ATXN8OS: variants seen among roughly 807,000 people sequenced by gnomAD.
The protein encoded by ATXN8OS is ATXN8 opposite strand lncRNA, also known as ATXN8 opposite strand (non-protein coding).
intron 4 of ATXN8OS, among the ~76,000 whole-genome samples, chr13:70,157,503 A>G (rs1294498389): frequency 9.4e-6 from 1 of 106,206 alleles, no homozygotes; most frequent in Non-Finnish European, 2.5e-5. Flanking sequence ...GACTCACATG[A>G]CTAAGATATC....
chr13:70,155,539 G>A (rs1049480669), intron 4 of ATXN8OS, among the ~76,000 whole-genome samples: 5 of 152,112 alleles, frequency 3.3e-5, no homozygotes, highest in South Asian at 2.1e-4. Flanking sequence ...CCTGTTAAAT[G>A]GTTATCATAA....
chr13:70,140,028 A>G (rs1226705822), intron 3 of ATXN8OS, among the ~76,000 whole-genome samples: 1 of 152,158 alleles, frequency 6.6e-6, no homozygotes, highest in Non-Finnish European at 1.5e-5. Context: ...TTTTAAATTT[A>G]GTAGCTAGTA....
intron 3 of ATXN8OS, chr13:70,139,385 T>TACTACTACTACTACTACTACTGCTGCC: frequency 6.3e-6 from 2 of 318,910 alleles, no homozygotes; most frequent in Non-Finnish European, 4.9e-6. Context: ...CTACTACTAC[T>TACTACTACTACTACTACTACTGCTGCC]GCTGCTGCTG....
At chr13:70,107,769 C>T, upstream of ATXN8OS, 3 of 1,230,732 alleles carry the variant, frequency 2.4e-6, no homozygotes, top group Non-Finnish European at 2.2e-6. Context: ...TGGGGGAGGA[C>T]AGCGGGGCCC....
At chr13:70,164,690 A>G (rs1889058422) in intron 4 of ATXN8OS, among the ~76,000 whole-genome samples, 1 of 152,038 alleles carries the variant, frequency 6.6e-6, no homozygotes, top group African/African-American at 2.4e-5. Context: ...AAGAATGCCT[A>G]AAAGCAAGAT....
At chr13:70,152,684 C>T (rs1464096373) in intron 4 of ATXN8OS, among the ~76,000 whole-genome samples, 1 of 152,072 alleles carries the variant, frequency 6.6e-6, no homozygotes, top group Non-Finnish European at 1.5e-5. Context: ...GGAAGCCTCT[C>T]ACGTCTTTTA....
intron 3 of ATXN8OS, among the ~76,000 whole-genome samples, chr13:70,145,661 T>C (rs1888773964): frequency 6.6e-6 from 1 of 152,034 alleles, no homozygotes; most frequent in Admixed American, 6.6e-5. Context: ...TTGTCTGTTA[T>C]TGTTGTATAA....
Position 70,142,648 on chromosome 13 carries a change from T to G in ATXN8OS, n.500-4707T>G, listed in dbSNP as rs577732019. Among the ~76,000 whole-genome samples, 78 of 152,370 alleles carry G rather than the reference T, an allele frequency of 5.1e-4. 1 individual carries two copies. The South Asian group carries it at 0.016, about 30-fold the overall frequency. On this transcript the variant is annotated intron_variant and non_coding_transcript_variant, in intron 3 of 4. Transcript: ENST00000678624. ...CCATTAGACAGTGTTCTTGACTAACTAGATAGCCTAGATCTTAGGAGAAAA... is the reference window on the plus strand; with the variant it reads ...CCATTAGACAGTGTTCTTGACTAACGAGATAGCCTAGATCTTAGGAGAAAA...
Position 70,145,241 on chromosome 13 carries a change from T to C in ATXN8OS, n.500-2114T>C, listed in dbSNP as rs538940553. On this transcript the variant is annotated intron_variant and non_coding_transcript_variant, in intron 3 of 4. Coordinates refer to ENST00000678624, the Ensembl canonical transcript of ATXN8OS. ...GTTTTGGTACCAGTACCATGCTGTTTTGGTTACTGTAGCCTTGTAGTATAG... is the reference window on the plus strand; with the variant it reads ...GTTTTGGTACCAGTACCATGCTGTTCTGGTTACTGTAGCCTTGTAGTATAG... Among the ~76,000 whole-genome samples the C allele has an allele frequency of 2.0e-5, 3 of 152,292 alleles. No individual in the cohort carries two copies. The South Asian group carries it at 6.2e-4, about 32-fold the overall frequency.
chr13:70,148,367 C>T (rs180700923), intron 4 of ATXN8OS, among the ~76,000 whole-genome samples: 8 of 152,218 alleles, frequency 5.3e-5, no homozygotes, highest in African/African-American at 1.7e-4. Flanking sequence ...GACTTGGCAT[C>T]TTATTAATAC....
At chr13:70,133,814 C>CAAG (rs1888568010) in intron 3 of ATXN8OS, among the ~76,000 whole-genome samples, 1 of 152,088 alleles carries the variant, frequency 6.6e-6, no homozygotes, top group Admixed American at 6.6e-5. Flanking sequence ...TCATTCTGGA[C>CAAG]TTGTAGCCTC....
intron 1 of ATXN8OS, chr13:70,108,525 A>AGATGGAGGGAGGGAGG (rs1888143044): frequency 2.2e-5 from 3 of 138,860 alleles, no homozygotes; most frequent in Admixed American, 2.1e-4. Flanking sequence ...CTATACGGAG[A>AGATGGAGGGAGGGAGG]GATGGAGGGA....
At chr13:70,160,427 A>G (rs1431730588) in intron 4 of ATXN8OS, among the ~76,000 whole-genome samples, 2 of 151,968 alleles carry the variant, frequency 1.3e-5, no homozygotes, top group Admixed American at 6.6e-5. Flanking sequence ...CCACAGATGC[A>G]GTGTCTGGTG....
intron 3 of ATXN8OS, among the ~76,000 whole-genome samples, chr13:70,142,345 A>G (rs981758210): frequency 6.6e-6 from 1 of 152,198 alleles, no homozygotes; most frequent in Non-Finnish European, 1.5e-5. Context: ...GGTTCTTAAC[A>G]TTTCATTTGC....
At chr13:70,153,760 G>T (rs1301729427) in intron 4 of ATXN8OS, among the ~76,000 whole-genome samples, 2 of 152,014 alleles carry the variant, frequency 1.3e-5, no homozygotes, top group Non-Finnish European at 2.9e-5. Flanking sequence ...GCTCACTGCA[G>T]CCTTGACTTC....
In ATXN8OS at chr13:70,115,027, C is replaced by CGTGTGT. The variant is rs36110832; in HGVS notation, n.241-98_241-93dup. 179 of 370,350 alleles carry CGTGTGT rather than the reference C, an allele frequency of 4.8e-4. 1 individual carries two copies. The highest frequency in any genetic ancestry group is 3.4e-3 in the African/African-American group (161 of 47,384). The allele number at this position is 370,350 out of a possible 1,614,324, so 22.9% of individuals were successfully genotyped here. A position where few individuals can be genotyped will look rare whatever the true frequency, so the allele number is the denominator to read the frequency against. On this transcript the variant is annotated intron_variant and non_coding_transcript_variant, in intron 1 of 4. Transcript: ENST00000678624. ...TCTCAAAATTGAGCTCTCTTTCTAACGTGTGTGTGTGTGTGTGTGTGCATG... is the reference window on the plus strand; with the variant it reads ...TCTCAAAATTGAGCTCTCTTTCTAACGTGTGTGTGTGTGTGTGTGTGTGTGTGCATG...
At chr13:70,139,069 T>A (rs1888658562) in intron 3 of ATXN8OS, among the ~76,000 whole-genome samples, 1 of 152,200 alleles carries the variant, frequency 6.6e-6, no homozygotes, top group Non-Finnish European at 1.5e-5. Flanking sequence ...AAATCATTTA[T>A]CGAAGTATGA....
At chr13:70,138,034 T>A (rs909737096) in intron 3 of ATXN8OS, among the ~76,000 whole-genome samples, 2 of 152,172 alleles carry the variant, frequency 1.3e-5, no homozygotes, top group African/African-American at 4.8e-5. Flanking sequence ...GAACTTATTA[T>A]CACGAGAACA....
chr13:70,138,089 A>C (rs1888643847), intron 3 of ATXN8OS, among the ~76,000 whole-genome samples: 1 of 152,192 alleles, frequency 6.6e-6, no homozygotes. Flanking sequence ...TTTCCACCAA[A>C]TCCCTCCTCC....
Sources: allele counts gnomAD v4.1 joint callset (sites outside exome capture counted in the v4.1 genomes callset), GRCh38; gene constraint gnomAD v4.1.1; transcripts MANE v1.5; gene names NCBI Gene and HGNC (gene_info 2026-07-23, HGNC 2026-07-21).